Variants in TSHZ1 observed in about 807,000 individuals in gnomAD.
TSHZ1 encodes teashirt homolog 1.
A neutral mutation model predicts 67.1 loss-of-function variants in TSHZ1; 12 were observed. The ratio of observed to expected loss-of-function variants is 0.18; its 90% CI spans 0.11 to 0.29. The LOEUF (loss-of-function observed/expected upper bound fraction) is 0.29. Ranked by LOEUF, TSHZ1 falls within the 10% of genes least tolerant of loss-of-function variation. TSHZ1 has a pLI of 1.00. For synonymous variants in TSHZ1, 632 were observed against 622.4 expected (o/e 1.02, Z -0.23); for missense variants, 1,305 against 1,413.9 (o/e 0.92, Z 1.23).
At chr18:75,272,531 T>C (rs1269594062) in intron 1 of TSHZ1, among the ~76,000 whole-genome samples, 2 of 152,230 alleles carry the variant, frequency 1.3e-5, no homozygotes, top group Admixed American at 1.3e-4. Flanking sequence ...TCTTTCAGAG[T>C]GGCCTTCTCT....
chr18:75,245,907 G>A (rs1028765491), intron 1 of TSHZ1, among the ~76,000 whole-genome samples: 1 of 152,194 alleles, frequency 6.6e-6, no homozygotes. Context: ...TGTACTAAGT[G>A]TTGTTCTGAT....
At chr18:75,261,418 C>G (rs768730357) in intron 1 of TSHZ1, among the ~76,000 whole-genome samples, 1 of 152,200 alleles carries the variant, frequency 6.6e-6, no homozygotes, top group Non-Finnish European at 1.5e-5. Context: ...TCAGCTCATA[C>G]TGGCACCTTT....
At chr18:75,234,749 C>T (rs1295481791) in intron 1 of TSHZ1, among the ~76,000 whole-genome samples, 1 of 151,950 alleles carries the variant, frequency 6.6e-6, no homozygotes, top group Non-Finnish European at 1.5e-5. Flanking sequence ...ACACGTTCAC[C>T]CATACATATT....
At chr18:75,270,627 G>T (rs2023545492) in intron 1 of TSHZ1, among the ~76,000 whole-genome samples, 2 of 152,194 alleles carry the variant, frequency 1.3e-5, no homozygotes, top group African/African-American at 2.4e-5. Flanking sequence ...TGCTTCTGAT[G>T]ATTGGAGTGG....
intron 1 of TSHZ1, chr18:75,285,120 C>T: frequency 4.5e-6 from 1 of 221,256 alleles, no homozygotes; most frequent in Admixed American, 5.3e-5. Context: ...GAGGGAACAG[C>T]CTATAGGAGG....
intron 1 of TSHZ1, among the ~76,000 whole-genome samples, chr18:75,219,952 T>G (rs1335659531): frequency 2.0e-5 from 3 of 152,198 alleles, no homozygotes; most frequent in African/African-American, 7.2e-5. Context: ...CCCGGGGTTG[T>G]GATGCCATGG....
At chr18:75,229,765 G>T (rs2022973497) in intron 1 of TSHZ1, among the ~76,000 whole-genome samples, 2 of 152,212 alleles carry the variant, frequency 1.3e-5, no homozygotes, top group African/African-American at 4.8e-5. Context: ...GCAGTGGACT[G>T]GTTTTTTTGG....
chr18:75,287,936 G>A lies in TSHZ1; in HGVS notation c.2529G>A (p.Met843Ile). The stretch of plus-strand genomic sequence containing the variant: ...GCGCACTCATGGACATCTCCGACAT[G>A]GTGAAAAACCTCACAGGCCGCCTGA... ...RESALMDISDMVKNLTGRLTP... is the reference protein window; with the variant it reads ...RESALMDISDIVKNLTGRLTP... The change falls in exon 2 of 2, where the codon ATG becomes ATA. Residue 843 changes from methionine (M) to isoleucine (I), a missense_variant. This residue lies in a region of TSHZ1 where 909 missense variants were observed against 961.8 expected (regional missense o/e 0.95). Coordinates refer to ENST00000580243, the MANE Select transcript of TSHZ1 (RefSeq NM_001308210.2). This position sits in a 1 kb window ranked among gnomAD's most constrained non-coding sequence, Gnocchi z 5.0. 1 of 1,614,198 alleles carries A rather than the reference G, an allele frequency of 6.2e-7. No individual in the cohort carries two copies. Among genetic ancestry groups the A allele is most frequent in the Non-Finnish European group, 8.5e-7 (1 of 1,180,042 alleles).
rs2023806032 is a variant in TSHZ1 at position 75,288,033 on chromosome 18, T to C, written c.2626T>C (p.Leu876=). 1.9e-6 allele frequency: 3 copies of C among 1,613,900 alleles called. No homozygotes were observed. The East Asian group carries it at 6.7e-5, about 36-fold the overall frequency. The change falls in exon 2 of 2, where the codon TTG becomes CTG. Residue 876 remains leucine, a synonymous_variant. Coordinates refer to ENST00000580243, the MANE Select transcript of TSHZ1 (RefSeq NM_001308210.2). This position sits in a 1 kb window ranked among gnomAD's most constrained non-coding sequence, Gnocchi z 4.9. ...DADGSSFEEA[L]DELSPVHKRK... ...TGATGGCAGCAGCTTTGAGGAGGCGTTGGACGAGCTGTCACCGGTCCACAA... is the reference window on the plus strand; with the variant it reads ...TGATGGCAGCAGCTTTGAGGAGGCGCTGGACGAGCTGTCACCGGTCCACAA...
rs111329836 is a variant in TSHZ1, at chr18:75,286,946, G to C, written c.1539G>C (p.Ala513=). The C allele has an allele frequency of 1.9e-6, 3 of 1,614,038 alleles. No homozygotes were observed. The highest frequency in any genetic ancestry group is 2.5e-6 in the Non-Finnish European group (3 of 1,180,034). Residue 513 remains alanine, a synonymous_variant, in exon 2 of 2, where the codon GCG becomes GCC. Coordinates refer to ENST00000580243, the MANE Select transcript of TSHZ1 (RefSeq NM_001308210.2). The surrounding 1 kb of genome is among the most constrained non-coding windows in gnomAD (Gnocchi z 5.1). ...EKEKPPVAGD[A]EKIKEESEDS... is the part of the protein sequence containing the mutation. ...AGAAGCCGCCTGTGGCTGGCGACGC[G>C]GAGAAGATCAAGGAGGAGAGTGAGG...
intron 1 of TSHZ1, among the ~76,000 whole-genome samples, chr18:75,226,151 A>G (rs1346401612): frequency 6.6e-6 from 1 of 152,188 alleles, no homozygotes; most frequent in Non-Finnish European, 1.5e-5. Flanking sequence ...GCAGTGTACA[A>G]ATGTCTTGCA....
chr18:75,281,536 C>T lies in TSHZ1; in HGVS notation c.41-3912C>T, dbSNP rs150704734. 1.3e-4 allele frequency among the ~76,000 whole-genome samples: 20 copies of T among 152,190 alleles called. No individual in the cohort carries two copies. Among genetic ancestry groups the T allele is most frequent in the African/African-American group, 2.9e-4 (12 of 41,520 alleles). ...AGCACCATGGGGGTGGCATGACAGG[C>T]GTCCTCCCTGATGGGCCTGTGTCTG... is the stretch of plus-strand genomic sequence containing the variant. On this transcript the variant is annotated intron_variant, in intron 1 of 1. Transcript: ENST00000580243. The surrounding 1 kb of genome is among the most constrained non-coding windows in gnomAD (Gnocchi z 5.3).
At chr18:75,230,718 T>G (rs552253467) in intron 1 of TSHZ1, among the ~76,000 whole-genome samples, 7 of 152,320 alleles carry the variant, frequency 4.6e-5, no homozygotes, top group African/African-American at 1.4e-4. Context: ...AGACGTCGTC[T>G]TCTTCCCCGA....
At chr18:75,285,324 G>A in intron 1 of TSHZ1, 124 bp from the exon 2 acceptor site, 1 of 1,219,044 alleles carries the variant, frequency 8.2e-7, no homozygotes, top group Non-Finnish European at 1.1e-6. Flanking sequence ...GTAAACTTGG[G>A]GTAGCCTTGT....
At chr18:75,242,369 C>T (rs1031611692) in intron 1 of TSHZ1, among the ~76,000 whole-genome samples, 1 of 152,192 alleles carries the variant, frequency 6.6e-6, no homozygotes, top group Non-Finnish European at 1.5e-5. Flanking sequence ...CAGGCACTTA[C>T]TCAGCAGCTG....
At chr18:75,226,571 CTT>C (rs34040466) in intron 1 of TSHZ1, among the ~76,000 whole-genome samples, 44 of 141,148 alleles carry the variant, frequency 3.1e-4, no homozygotes, top group Admixed American at 4.3e-4. Flanking sequence ...TGTTTTTCAA[CTT>C]TTTTTTTTTT....
chr18:75,280,422 G>A (rs546004841), intron 1 of TSHZ1, among the ~76,000 whole-genome samples: 14 of 152,316 alleles, frequency 9.2e-5, no homozygotes, highest in African/African-American at 3.4e-4. Context: ...CATAATGGCT[G>A]TTCTAAATAC....
At chr18:75,264,274 C>T (rs2023464280) in intron 1 of TSHZ1, among the ~76,000 whole-genome samples, 2 of 152,084 alleles carry the variant, frequency 1.3e-5, no homozygotes, top group African/African-American at 4.8e-5. Flanking sequence ...TAAATATGTT[C>T]GTGGATAGCA....
chr18:75,250,184 T>TG (rs1398207857), intron 1 of TSHZ1, among the ~76,000 whole-genome samples: 16 of 147,386 alleles, frequency 1.1e-4, no homozygotes, highest in African/African-American at 3.3e-4. Flanking sequence ...CTCCAGTAGG[T>TG]GGGGGGGTGA....
Sources: allele counts gnomAD v4.1 joint callset (sites outside exome capture counted in the v4.1 genomes callset), GRCh38; gene constraint gnomAD v4.1.1; regional missense constraint gnomAD v4.1.1; non-coding constraint Gnocchi (gnomAD v3.1); transcripts MANE v1.5; gene names NCBI Gene and HGNC (gene_info 2026-07-23, HGNC 2026-07-21).